The following HMGN5 variants were observed in gnomAD, a reference collection of about 807,000 sequenced individuals.
HMGN5 encodes high mobility group nucleosome-binding domain-containing protein 5.
A neutral mutation model predicts 9.5 loss-of-function variants in HMGN5; 4 were observed. The observed-to-expected ratio is 0.42, with a 90% CI of 0.21 to 0.96. The LOEUF is 0.96. HMGN5 is among the 40% of genes least tolerant of loss of function. The pLI, the probability that HMGN5 is intolerant of heterozygous loss-of-function variation, is 0.30. For missense variants in HMGN5, 192 were observed against 187.5 expected (o/e 1.02, Z -0.14); for synonymous variants, 55 against 57.1 (o/e 0.96, Z 0.16).
chrX:81,129,092 G>A (rs756122476), intron 1 of HMGN5, among the ~76,000 whole-genome samples: 1 of 111,304 alleles, frequency 9.0e-6, no homozygotes, highest in African/African-American at 3.3e-5. Flanking sequence ...GATGTGTGAT[G>A]GAAAAAAGTA....
chrX:81,177,438 G>C (rs1292347750), intron 1 of HMGN5, among the ~76,000 whole-genome samples: 2 of 87,453 alleles, frequency 2.3e-5, no homozygotes, highest in Non-Finnish European at 4.4e-5. Context: ...AACAGATTTT[G>C]AACCAACAAA....
At chrX:81,199,484 C>A (rs2075518881) in intron 1 of HMGN5, among the ~76,000 whole-genome samples, 1 of 112,221 alleles carries the variant, frequency 8.9e-6, no homozygotes, top group South Asian at 3.7e-4. Flanking sequence ...AACTATACTA[C>A]AAGGCTACAG....
rs192776544 is a variant in HMGN5, at chrX:81,163,458, A to T, written c.-124+38279T>A. Among the ~76,000 whole-genome samples, 401 of 112,039 alleles carry T rather than the reference A, an allele frequency of 3.6e-3. 1 individual carries two copies. Among genetic ancestry groups the T allele is most frequent in the African/African-American group, 0.012 (377 of 30,902 alleles). On this transcript the variant is annotated intron_variant, in intron 1 of 6. Transcript: ENST00000358130. ...GCCAGTACCCTTGAATCTTAAATCA[A>T]GTTCTAGACAGACAGGTAGAATGTT...
chrX:81,136,776 A>T (rs2075312144), intron 1 of HMGN5, among the ~76,000 whole-genome samples: 1 of 111,628 alleles, frequency 9.0e-6, no homozygotes, highest in Non-Finnish European at 1.9e-5. Context: ...AAACAAACAA[A>T]CATTACCCAA....
intron 1 of HMGN5, among the ~76,000 whole-genome samples, chrX:81,198,164 T>C (rs940378865): frequency 1.8e-5 from 2 of 111,713 alleles, no homozygotes; most frequent in Non-Finnish European, 3.8e-5. Context: ...ATGAATAGTG[T>C]GGGCCTAGAT....
At chrX:81,153,637 ATAT>A (rs2075374895) in intron 1 of HMGN5, among the ~76,000 whole-genome samples, 1 of 45,406 alleles carries the variant, frequency 2.2e-5, no homozygotes, top group African/African-American at 8.6e-5. Context: ...ATATATATAT[ATAT>A]GTATCTCCTT....
rs180959634 is a variant in HMGN5 at position 81,153,230 on chromosome X, A to T, written c.-123-31558T>A. Among the ~76,000 whole-genome samples, 344 of 108,654 alleles carry T rather than the reference A, an allele frequency of 3.2e-3. 4 individuals carry two copies. The highest frequency in any genetic ancestry group is 0.01 in the African/African-American group (313 of 29,943). 94.4% of individuals were successfully genotyped at this position (108,654 alleles called of 115,157 possible). ...ATATTGATGCAAAAATCCTCAACGAAATACTTCAAAACTGAGTTCAATAAT... is the reference window on the plus strand; with the variant it reads ...ATATTGATGCAAAAATCCTCAACGATATACTTCAAAACTGAGTTCAATAAT... On this transcript the variant is annotated intron_variant, in intron 1 of 6. Coordinates refer to ENST00000358130, the MANE Select transcript of HMGN5 (RefSeq NM_030763.3).
chrX:81,140,565 A>T (rs200563198), intron 1 of HMGN5, among the ~76,000 whole-genome samples: 2 of 100,006 alleles, frequency 2.0e-5, no homozygotes, highest in East Asian at 4.0e-4. Flanking sequence ...GTCTCAAAAA[A>T]AAAAAAAAAA....
chrX:81,141,476 GAGAGAGAGAGAGAGAA>G (rs1249853277), intron 1 of HMGN5, among the ~76,000 whole-genome samples: 17 of 109,376 alleles, frequency 1.6e-4, no homozygotes, highest in Non-Finnish European at 1.9e-5. Context: ...GAGAGAGAGA[GAGAGAGAGAGAGAGAA>G]AGAGAGAGAG....
At chrX:81,176,864 T>C (rs2075443630) in intron 1 of HMGN5, among the ~76,000 whole-genome samples, 1 of 111,384 alleles carries the variant, frequency 9.0e-6, no homozygotes, top group Admixed American at 9.6e-5. Context: ...CTCTGCAGGA[T>C]ATTGTCCAGG....
At chrX:81,165,680 C>T (rs913919010) in intron 1 of HMGN5, among the ~76,000 whole-genome samples, 2 of 111,107 alleles carry the variant, frequency 1.8e-5, no homozygotes, top group African/African-American at 6.5e-5. Flanking sequence ...GGGTTATTGC[C>T]ATGGTATAGT....
chrX:81,145,276 G>T (rs557491732), intron 1 of HMGN5, among the ~76,000 whole-genome samples: 19 of 111,915 alleles, frequency 1.7e-4, no homozygotes, highest in Middle Eastern at 4.6e-3. Context: ...TTACCCACAA[G>T]GGGAACCCAT....
chrX:81,118,672 C>G, intron 4 of HMGN5, 58 bp downstream of exon 4: 1 of 1,056,072 alleles, frequency 9.5e-7, no homozygotes, highest in East Asian at 3.1e-5. Flanking sequence ...TTAGGATTCC[C>G]TAAATTTTAA....
chrX:81,123,073 T>C (rs949443675), intron 1 of HMGN5, among the ~76,000 whole-genome samples: 6 of 111,237 alleles, frequency 5.4e-5, no homozygotes, highest in African/African-American at 2.0e-4. Flanking sequence ...GTTAAAAAAT[T>C]TGGAATAATC....
intron 1 of HMGN5, among the ~76,000 whole-genome samples, chrX:81,152,175 A>G (rs2075364935): frequency 8.9e-6 from 1 of 112,117 alleles, no homozygotes; most frequent in African/African-American, 3.2e-5. Context: ...GCTTCTGCAC[A>G]GCAAAAGAAA....
At chrX:81,142,710 C>T (rs2075333053) in intron 1 of HMGN5, among the ~76,000 whole-genome samples, 1 of 111,755 alleles carries the variant, frequency 8.9e-6, no homozygotes, top group Non-Finnish European at 1.9e-5. Flanking sequence ...ACATGTCCCA[C>T]AAGAAATGCT....
At chrX:81,134,299 C>T (rs2075305743) in intron 1 of HMGN5, among the ~76,000 whole-genome samples, 1 of 111,302 alleles carries the variant, frequency 9.0e-6, no homozygotes, top group Non-Finnish European at 1.9e-5. Context: ...TCATATTGAA[C>T]TTGAGTGTTC....
At chrX:81,142,360 G>A (rs1267762136) in intron 1 of HMGN5, among the ~76,000 whole-genome samples, 1 of 111,671 alleles carries the variant, frequency 9.0e-6, no homozygotes, top group East Asian at 2.8e-4. Flanking sequence ...CTAAGCAGAA[G>A]AAGGTTATAC....
chrX:81,139,317 A>G (rs1490191502), intron 1 of HMGN5, among the ~76,000 whole-genome samples: 1 of 111,905 alleles, frequency 8.9e-6, no homozygotes, highest in Non-Finnish European at 1.9e-5. Flanking sequence ...CAAATCAATG[A>G]AGGGTAGTCT....
Sources: gnomAD v4.1 joint callset for allele counts (sites outside exome capture counted in the v4.1 genomes callset) on GRCh38, gnomAD v4.1.1 for gene constraint, MANE v1.5 for transcripts, NCBI Gene and HGNC (gene_info 2026-07-23, HGNC 2026-07-21) for gene names.